DLG2: variants seen among roughly 807,000 people sequenced by gnomAD.
The protein encoded by DLG2 is discs large MAGUK scaffold protein 2, also known as disks large homolog 2.
A neutral mutation model predicts 132.5 loss-of-function variants in DLG2; 45 were observed. The ratio of observed to expected loss-of-function variants is 0.34; its 90% CI spans 0.27 to 0.44. DLG2 has a LOEUF of 0.44. Among genes scored for constraint, DLG2 ranks in the 20% least tolerant of loss-of-function variants. The probability of loss-of-function intolerance (pLI) is 1.00; values close to 1 mark genes in which losing one functional copy is unlikely to be tolerated. For synonymous variants in DLG2, 424 were observed against 419.6 expected (o/e 1.01, Z -0.13); for missense variants, 1,045 against 1,196.9 (o/e 0.87, Z 1.87).
chr11:83,991,991 G>A (rs1339642305), intron 11 of DLG2, among the ~76,000 whole-genome samples: 2 of 152,102 alleles, frequency 1.3e-5, no homozygotes, highest in African/African-American at 2.4e-5. Flanking sequence ...TACACAGGGA[G>A]CAATTTATGT....
At chr11:85,536,766 G>T (rs2075613849) in intron 3 of DLG2, among the ~76,000 whole-genome samples, 1 of 152,248 alleles carries the variant, frequency 6.6e-6, no homozygotes, top group Non-Finnish European at 1.5e-5. Flanking sequence ...CCCATGCATG[G>T]ACCGCCATTC....
chr11:85,434,387 G>GT (rs1190025314), intron 3 of DLG2, among the ~76,000 whole-genome samples: 83 of 149,970 alleles, frequency 5.5e-4, no homozygotes, highest in Middle Eastern at 3.4e-3. Context: ...TCCAGGGGCT[G>GT]TTTTTTTTGA....
chr11:85,024,486 T>C (rs754249158), intron 6 of DLG2, among the ~76,000 whole-genome samples: 6 of 152,170 alleles, frequency 3.9e-5, no homozygotes, highest in Admixed American at 6.5e-5. Context: ...GACTAGAAAT[T>C]TGCATAAATG....
chr11:84,439,977 T>C (rs1479545567), intron 7 of DLG2, among the ~76,000 whole-genome samples: 1 of 152,220 alleles, frequency 6.6e-6, no homozygotes, highest in Non-Finnish European at 1.5e-5. Context: ...TAATTTTTTA[T>C]ATCTTTCTAT....
At chr11:83,716,402 C>T (rs890592605) in intron 18 of DLG2, among the ~76,000 whole-genome samples, 5 of 152,178 alleles carry the variant, frequency 3.3e-5, no homozygotes, top group African/African-American at 7.2e-5. Context: ...GTGGAATTAA[C>T]ATCAGTTGCT....
intron 7 of DLG2, among the ~76,000 whole-genome samples, chr11:84,533,321 C>T (rs2099347269): frequency 6.6e-6 from 1 of 152,174 alleles, no homozygotes; most frequent in Admixed American, 6.5e-5. Flanking sequence ...AGTCCCATGT[C>T]CCCCAATTCT....
intron 5 of DLG2, among the ~76,000 whole-genome samples, chr11:85,140,707 C>T (rs1473809144): frequency 6.6e-6 from 1 of 151,528 alleles, no homozygotes; most frequent in East Asian, 1.9e-4. Context: ...TATAAATTAA[C>T]CATCCCCACT....
intron 6 of DLG2, among the ~76,000 whole-genome samples, chr11:84,614,320 C>T (rs1456532126): frequency 2.0e-5 from 3 of 152,028 alleles, no homozygotes; most frequent in African/African-American, 4.8e-5. Flanking sequence ...AAAGAGGTAA[C>T]GTCTGAGCTG....
chr11:85,287,200 A>AAT (rs1005513287), intron 3 of DLG2, among the ~76,000 whole-genome samples: 14 of 152,068 alleles, frequency 9.2e-5, no homozygotes, highest in East Asian at 1.9e-4. Flanking sequence ...TTATGCATAA[A>AAT]ATATATATAT....
At chr11:85,266,790 T>C (rs1220737594) in intron 4 of DLG2, among the ~76,000 whole-genome samples, 2 of 152,220 alleles carry the variant, frequency 1.3e-5, no homozygotes, top group Non-Finnish European at 2.9e-5. Flanking sequence ...TTGCTTTCTT[T>C]TACTCAGAAC....
chr11:84,760,015 G>A (rs1026841394), intron 6 of DLG2, among the ~76,000 whole-genome samples: 3 of 152,108 alleles, frequency 2.0e-5, no homozygotes, highest in African/African-American at 7.2e-5. Context: ...AGAATCATTG[G>A]TTTTGTCATT....
chr11:83,692,196 G>A (rs1162045342), intron 18 of DLG2: 1 of 152,134 alleles, frequency 6.6e-6, no homozygotes, highest in Non-Finnish European at 1.5e-5. Context: ...TAGAAAACAA[G>A]CAAACAAACA....
chr11:84,296,743 A>G (rs571017342), intron 7 of DLG2, among the ~76,000 whole-genome samples: 1 of 152,234 alleles, frequency 6.6e-6, no homozygotes, highest in Non-Finnish European at 1.5e-5. Context: ...ATGATTTCAT[A>G]TTTCAACTTG....
chr11:85,623,770 A>G (rs1293362504), intron 2 of DLG2, among the ~76,000 whole-genome samples: 3 of 152,244 alleles, frequency 2.0e-5, no homozygotes, highest in African/African-American at 4.8e-5. Context: ...TCTTTAAAAC[A>G]GCAACTTTCT....
At chr11:84,902,443 G>A (rs936016732) in intron 6 of DLG2, among the ~76,000 whole-genome samples, 18 of 152,172 alleles carry the variant, frequency 1.2e-4, no homozygotes, top group African/African-American at 2.6e-4. Flanking sequence ...TACAGAAGCC[G>A]AATATCTTAA....
At chr11:83,691,071 A>G (rs1592525209) in intron 18 of DLG2, among the ~76,000 whole-genome samples, 1 of 152,296 alleles carries the variant, frequency 6.6e-6, no homozygotes, top group East Asian at 1.9e-4. Context: ...GGACATGTGC[A>G]CGTTGCAGCT....
intron 6 of DLG2, among the ~76,000 whole-genome samples, chr11:84,633,958 G>T (rs1484178621): frequency 1.3e-5 from 2 of 152,152 alleles, no homozygotes; most frequent in African/African-American, 4.8e-5. Context: ...AACTGGAACA[G>T]GATAATGGGG....
intron 3 of DLG2, among the ~76,000 whole-genome samples, chr11:85,418,169 C>A (rs1415329459): frequency 6.6e-6 from 1 of 152,108 alleles, no homozygotes; most frequent in African/African-American, 2.4e-5. Context: ...TTTCAAAGAA[C>A]TTATTTATTT....
intron 6 of DLG2, among the ~76,000 whole-genome samples, chr11:84,755,191 G>C (rs2066695343): frequency 1.3e-5 from 2 of 150,400 alleles, no homozygotes; most frequent in African/African-American, 5.0e-5. Flanking sequence ...GAAGGTCACA[G>C]TTAGTCACAA....
Sources: gnomAD v4.1 joint callset for allele counts (sites outside exome capture counted in the v4.1 genomes callset) on GRCh38, gnomAD v4.1.1 for gene constraint, MANE v1.5 for transcripts, NCBI Gene and HGNC (gene_info 2026-07-23, HGNC 2026-07-21) for gene names.